NAP1L1: variants seen among roughly 807,000 people sequenced by gnomAD.
NAP1L1 encodes the protein nucleosome assembly protein 1-like 1.
NAP1L1 carries 9 observed loss-of-function variants against 58.9 expected under a neutral mutation model. The ratio of observed to expected loss-of-function variants is 0.15; its 90% CI spans 0.09 to 0.27. NAP1L1 has a LOEUF of 0.27. NAP1L1 is among the 10% of genes least tolerant of loss of function. NAP1L1 has a pLI of 1.00. For synonymous variants in NAP1L1, 130 were observed against 138.3 expected (o/e 0.94, Z 0.42); for missense variants, 302 against 458.8 (o/e 0.66, Z 3.12).
chr12:76,053,489 A>G, intron 9 of NAP1L1, 139 bp from the exon 10 acceptor site: 1 of 1,014,000 alleles, frequency 9.9e-7, no homozygotes, highest in Admixed American at 3.0e-5. Context: ...GTATAAAGGG[A>G]AAAATTTTAT....
intron 4 of NAP1L1, among the ~76,000 whole-genome samples, chr12:76,063,908 TG>T (rs1208380758): frequency 1.0e-4 from 14 of 135,072 alleles, no homozygotes; most frequent in Non-Finnish European, 2.0e-4. Flanking sequence ...AAAAAGAGGC[TG>T]GGGGTGATGG....
chr12:76,067,329 T>A, intron 4 of NAP1L1, 42 bp downstream of exon 4: 1 of 1,465,918 alleles, frequency 6.8e-7, no homozygotes, highest in Non-Finnish European at 9.5e-7. Context: ...GCCTGCAACG[T>A]TGATTATAGA....
At chr12:76,069,538 T>C (rs1592679180) in intron 2 of NAP1L1, among the ~76,000 whole-genome samples, 1 of 152,058 alleles carries the variant, frequency 6.6e-6, no homozygotes, top group South Asian at 2.1e-4. Flanking sequence ...TGGCTCAAGC[T>C]CCAGCAGCCA....
intron 4 of NAP1L1, 87 bp downstream of exon 4, chr12:76,067,284 A>G (rs766329331): frequency 4.0e-6 from 4 of 1,004,846 alleles, no homozygotes; most frequent in Non-Finnish European, 4.6e-6. Context: ...CCACTATTGC[A>G]TATCTAAATC....
intron 1 of NAP1L1, among the ~76,000 whole-genome samples, chr12:76,079,294 G>T (rs780541670): frequency 5.3e-5 from 8 of 152,130 alleles, no homozygotes; most frequent in Non-Finnish European, 1.2e-4. Context: ...GGAAGGCTGG[G>T]GCAGGAGGAT....
rs371301958 is a variant in NAP1L1, at chr12:76,056,014, C to T, written c.558+19G>A. The T allele has an allele frequency of 1.4e-4, 223 of 1,609,630 alleles. No homozygotes were observed. The highest frequency in any genetic ancestry group is 1.8e-4 in the Non-Finnish European group (216 of 1,178,802). On this transcript the variant is annotated intron_variant, in intron 7 of 14. Coordinates refer to ENST00000618691, the MANE Select transcript of NAP1L1 (RefSeq NM_004537.7). Reference sequence around the variant, plus strand: ...GTTTACCCTTCAAAGTAAACTGGTACATTTATGAATAAAATTACCTGAACC... The same window carrying T: ...GTTTACCCTTCAAAGTAAACTGGTATATTTATGAATAAAATTACCTGAACC...
intron 1 of NAP1L1, among the ~76,000 whole-genome samples, chr12:76,082,654 T>C (rs748153523): frequency 1.3e-5 from 2 of 152,228 alleles, no homozygotes; most frequent in East Asian, 3.8e-4. Context: ...AACTAAACTA[T>C]AGATTTAGGC....
intron 1 of NAP1L1, among the ~76,000 whole-genome samples, chr12:76,080,738 G>A (rs1950370902): frequency 6.6e-6 from 1 of 152,146 alleles, no homozygotes; most frequent in African/African-American, 2.4e-5. Context: ...ATGCTGCTAT[G>A]GTTTGAGTAT....
intron 2 of NAP1L1, among the ~76,000 whole-genome samples, chr12:76,071,465 G>A (rs7294592): frequency 6.6e-6 from 1 of 151,946 alleles, no homozygotes; most frequent in Non-Finnish European, 1.5e-5. Flanking sequence ...TATGATAAAG[G>A]GTTTTTTTGT....
intron 4 of NAP1L1, among the ~76,000 whole-genome samples, chr12:76,066,498 G>A (rs894754688): frequency 6.6e-6 from 1 of 151,908 alleles, no homozygotes; most frequent in Admixed American, 6.5e-5. Context: ...ATCCCAACAA[G>A]AAAGTGGAAA....
Position 76,042,062 on chromosome 12 carries a change from TTTG to T in NAP1L1, c.*6364_*6366del, listed in dbSNP as rs1342704065. ...ACTTTAGGTTAAGGTCAATTTTTTTTTTGTTTTTTACACATAAAATCTTCAAAA... is the reference window on the plus strand; with the variant it reads ...ACTTTAGGTTAAGGTCAATTTTTTTTTTTTTTACACATAAAATCTTCAAAA... On this transcript the variant is annotated 3_prime_UTR_variant, in exon 15 of 15. Transcript: ENST00000618691. 2.0e-5 allele frequency: 3 copies of T among 152,122 alleles called. No individual in the cohort carries two copies. Among genetic ancestry groups the T allele is most frequent in the Non-Finnish European group, 4.4e-5 (3 of 68,028 alleles). 9.4% of individuals were successfully genotyped at this position (152,122 alleles called of 1,614,324 possible).
intron 11 of NAP1L1, among the ~76,000 whole-genome samples, chr12:76,052,004 A>G (rs1948857232): frequency 6.6e-6 from 1 of 151,816 alleles, no homozygotes. Context: ...ACAGAGCAAT[A>G]CTTCATCTCA....
intron 7 of NAP1L1, among the ~76,000 whole-genome samples, chr12:76,055,711 A>G (rs1326155386): frequency 6.6e-6 from 1 of 152,226 alleles, no homozygotes; most frequent in African/African-American, 2.4e-5. Context: ...AGGGAATTGC[A>G]TAATTGCAGC....
chr12:76,053,731 A>ATACTT (rs531580250), intron 9 of NAP1L1, 39 bp downstream of exon 9: 1,173 of 1,593,264 alleles, frequency 7.4e-4, no homozygotes, highest in South Asian at 1.1e-3. Flanking sequence ...TAACAAAAAC[A>ATACTT]GAAAAAACAT....
At chr12:76,048,533 T>C in intron 14 of NAP1L1, 69 bp from the exon 15 acceptor site, 4 of 1,492,000 alleles carry the variant, frequency 2.7e-6, no homozygotes, top group Non-Finnish European at 3.7e-6. Flanking sequence ...CAATAGTAAT[T>C]ACTGCCTTAA....
Position 76,047,424 on chromosome 12 carries a change from CCT to C in NAP1L1, c.*1003_*1004del, listed in dbSNP as rs1277515421. 2 of 146,530 alleles carry C rather than the reference CCT, an allele frequency of 1.4e-5. No homozygotes were observed. Among genetic ancestry groups the C allele is most frequent in the South Asian group, 2.1e-4 (1 of 4,652 alleles). The allele number at this position is 146,530 out of a possible 1,614,324, so 9.1% of individuals were successfully genotyped here. On this transcript the variant is annotated 3_prime_UTR_variant, in exon 15 of 15. Coordinates refer to ENST00000618691, the MANE Select transcript of NAP1L1 (RefSeq NM_004537.7). ...AGCATCAATCACTTAAGATTTTCTT[CCT>C]CTTTTTTTTTTTTTTTTACACTTGC...
At chr12:76,074,639 G>A (rs892059164) in intron 1 of NAP1L1, among the ~76,000 whole-genome samples, 4 of 152,094 alleles carry the variant, frequency 2.6e-5, no homozygotes, top group Admixed American at 6.5e-5. Flanking sequence ...TTTAGACTAC[G>A]TAGCATCTTA....
chr12:76,076,014 T>TA (rs1189641137), intron 1 of NAP1L1, among the ~76,000 whole-genome samples: 25 of 152,008 alleles, frequency 1.6e-4, no homozygotes, highest in Admixed American at 3.9e-4. Context: ...ACATAAAAAT[T>TA]AAAAAAACAA....
rs950611232 is a variant in NAP1L1, at chr12:76,046,697, T to A, written c.*1732A>T. 5.9e-5 allele frequency: 9 copies of A among 152,454 alleles called. No homozygotes were observed. The highest frequency in any genetic ancestry group is 5.2e-4 in the Admixed American group (8 of 15,254). 9.4% of individuals were successfully genotyped at this position (152,454 alleles called of 1,614,324 possible). On this transcript the variant is annotated 3_prime_UTR_variant, in exon 15 of 15. Coordinates refer to ENST00000618691, the MANE Select transcript of NAP1L1 (RefSeq NM_004537.7). Reference sequence around the variant, plus strand: ...AGTTTTCATTACCTCTAAAAATCAATTCAATGTAATTTTATTAAGAGCAGG... The same window carrying A: ...AGTTTTCATTACCTCTAAAAATCAAATCAATGTAATTTTATTAAGAGCAGG...
Sources: gnomAD v4.1 joint callset for allele counts (sites outside exome capture counted in the v4.1 genomes callset) on GRCh38, gnomAD v4.1.1 for gene constraint, MANE v1.5 for transcripts, NCBI Gene and HGNC (gene_info 2026-07-23, HGNC 2026-07-21) for gene names.